FAM234A: variants seen among roughly 807,000 people sequenced by gnomAD.
The protein encoded by FAM234A is protein FAM234A.
A neutral mutation model predicts 49.1 loss-of-function variants in FAM234A; 42 were observed. The ratio of observed to expected loss-of-function variants is 0.86; its 90% CI spans 0.67 to 1.11. FAM234A has a LOEUF of 1.11. Among genes scored for constraint, FAM234A ranks in the 50% least tolerant of loss-of-function variants. The pLI, the probability that FAM234A is intolerant of heterozygous loss-of-function variation, is 0.00. For missense variants in FAM234A, 815 were observed against 745.2 expected (o/e 1.09, Z -1.09); for synonymous variants, 369 against 316.2 (o/e 1.17, Z -1.77).
At chr16:237,078 TAAA>T (rs199754290) in intron 1 of FAM234A, among the ~76,000 whole-genome samples, 1 of 151,360 alleles carries the variant, frequency 6.6e-6, no homozygotes, top group African/African-American at 2.4e-5. Flanking sequence ...TGTATTTTTT[TAAA>T]AAAATATGTA....
intron 2 of FAM234A, 90 bp downstream of exon 2, chr16:249,744 T>G (rs2050932166): frequency 6.6e-6 from 1 of 152,002 alleles, no homozygotes; most frequent in Non-Finnish European, 1.5e-5. Context: ...GAGTAGTGCT[T>G]TCCTGCACGC....
intron 1 of FAM234A, among the ~76,000 whole-genome samples, chr16:242,811 A>G (rs2050667053): frequency 6.6e-6 from 1 of 151,606 alleles, no homozygotes; most frequent in Admixed American, 6.6e-5. Context: ...ATGGAGTTTC[A>G]CCATGTTGGC....
At chr16:242,021 A>ACTTC (rs2050635842) in intron 1 of FAM234A, among the ~76,000 whole-genome samples, 1 of 152,094 alleles carries the variant, frequency 6.6e-6, no homozygotes, top group Non-Finnish European at 1.5e-5. Flanking sequence ...GAGACCTGTC[A>ACTTC]CTTCCTTTCT....
downstream of FAM234A, chr16:268,788 C>A: frequency 6.5e-7 from 1 of 1,550,078 alleles, no homozygotes; most frequent in Non-Finnish European, 8.7e-7. Flanking sequence ...TCACACTGGG[C>A]GACAGCGGAG....
At chr16:258,779 C>G (rs890399408) in intron 3 of FAM234A, among the ~76,000 whole-genome samples, 2 of 152,248 alleles carry the variant, frequency 1.3e-5, no homozygotes, top group Admixed American at 1.3e-4. Flanking sequence ...TGGGCCCGGC[C>G]TATTTTTTTG....
intron 1 of FAM234A, chr16:248,442 C>T (rs1435201866): frequency 1.3e-5 from 2 of 151,920 alleles, no homozygotes; most frequent in East Asian, 3.8e-4. Context: ...TTAGAAGCCA[C>T]CTTATAACTC....
chr16:238,781 A>AAG (rs1555459784), intron 1 of FAM234A, among the ~76,000 whole-genome samples: 1 of 137,242 alleles, frequency 7.3e-6, no homozygotes, highest in Admixed American at 7.3e-5. Flanking sequence ...AAAAAAAAAA[A>AAG]AAAAAGAAAA....
At chr16:268,627 AGGC>A, downstream of FAM234A, 2 of 699,516 alleles carry the variant, frequency 2.9e-6, no homozygotes, top group East Asian at 5.5e-5. Context: ...ATCGGGGGGG[AGGC>A]CGCGGCCTCG....
At chr16:239,508 G>A (rs1220459584) in intron 1 of FAM234A, among the ~76,000 whole-genome samples, 2 of 150,792 alleles carry the variant, frequency 1.3e-5, no homozygotes, top group South Asian at 2.1e-4. Context: ...CCAGCTACTC[G>A]GGAGGCTGAG....
At chr16:243,442 G>A (rs2050688373) in intron 1 of FAM234A, among the ~76,000 whole-genome samples, 1 of 152,146 alleles carries the variant, frequency 6.6e-6, no homozygotes, top group Admixed American at 6.5e-5. Flanking sequence ...GATTTTCTCT[G>A]CCAGTCAGGT....
chr16:264,915 G>A lies in FAM234A; in HGVS notation c.1552G>A (p.Asp518Asn), dbSNP rs1400148717. 2 of 1,613,032 alleles carry A rather than the reference G, an allele frequency of 1.2e-6. No homozygotes were observed. The highest frequency in any genetic ancestry group is 1.7e-5 in the Admixed American group (1 of 60,010). Residue 518 changes from aspartate to asparagine, a missense_variant, in exon 13 of 13, where the codon GAC (aspartate) becomes AAC (asparagine). By Grantham distance (23) the Asp-to-Asn change is conservative. Coordinates refer to ENST00000399932, the MANE Select transcript of FAM234A (RefSeq NM_032039.4). Reference protein sequence around the residue: ...LVSVIKHKVRDLVPSSRVVRL... With the variant: ...LVSVIKHKVRNLVPSSRVVRL... ...CTCTGTGATCAAGCACAAGGTGCGG[G>A]ACCTTGTCCCAAGCAGCAGGGTGGT...
At chr16:243,338 C>T (rs1406365270) in intron 1 of FAM234A, among the ~76,000 whole-genome samples, 1 of 151,916 alleles carries the variant, frequency 6.6e-6, no homozygotes, top group African/African-American at 2.4e-5. Flanking sequence ...TTTTAAATAG[C>T]CACATGGCCT....
intron 9 of FAM234A, 106 bp downstream of exon 9, chr16:263,508 C>A (rs563828957): frequency 6.8e-7 from 1 of 1,474,092 alleles, no homozygotes; most frequent in African/African-American, 1.4e-5. Context: ...GGGCCGGAGG[C>A]CGTGTGCTGC....
intron 1 of FAM234A, among the ~76,000 whole-genome samples, chr16:244,180 G>A (rs924598364): frequency 6.6e-6 from 1 of 152,138 alleles, no homozygotes; most frequent in East Asian, 1.9e-4. Context: ...GTGTTAGCTA[G>A]GATGGTCTCG....
downstream of FAM234A, among the ~76,000 whole-genome samples, chr16:267,816 AC>A (rs1336159012): frequency 6.8e-6 from 1 of 147,898 alleles, no homozygotes; most frequent in Admixed American, 6.8e-5. Flanking sequence ...TGCACTACAC[AC>A]AATCACACAT....
At chr16:263,040 G>A (rs1349124612) in intron 8 of FAM234A, among the ~76,000 whole-genome samples, 2 of 152,000 alleles carry the variant, frequency 1.3e-5, no homozygotes, top group Non-Finnish European at 2.9e-5. Flanking sequence ...GACTGGTCTC[G>A]AACTTCTGAC....
chr16:263,909 A>G, intron 10 of FAM234A, 107 bp from the exon 11 acceptor site: 9 of 1,428,742 alleles, frequency 6.3e-6, no homozygotes, highest in South Asian at 1.2e-5. Context: ...CCCTCAGAGC[A>G]TCTGCCTCCA....
chr16:251,250 C>A (rs1367519368), intron 2 of FAM234A, among the ~76,000 whole-genome samples: 1 of 152,212 alleles, frequency 6.6e-6, no homozygotes, highest in Non-Finnish European at 1.5e-5. Context: ...GCCACTGCGC[C>A]CAGCCGATAC....
At chr16:241,027 A>G in intron 1 of FAM234A, among the ~76,000 whole-genome samples, 1 of 151,948 alleles carries the variant, frequency 6.6e-6, no homozygotes, top group East Asian at 1.9e-4. Flanking sequence ...CCCAGGCTCA[A>G]GGGAACCTCA....
Sources: gnomAD v4.1 joint callset for allele counts (sites outside exome capture counted in the v4.1 genomes callset) on GRCh38, gnomAD v4.1.1 for gene constraint, MANE v1.5 for transcripts, NCBI Gene and HGNC (gene_info 2026-07-23, HGNC 2026-07-21) for gene names.